DLGAP4: variants seen among roughly 807,000 people sequenced by gnomAD.
DLGAP4 encodes the protein disks large-associated protein 4.
In DLGAP4, 18 loss-of-function variants were observed where a neutral mutation model predicts 86.9. That is an observed-to-expected ratio of 0.21 (90% CI 0.14 to 0.31). DLGAP4 has a LOEUF of 0.31. Ranked by LOEUF, DLGAP4 falls within the 10% of genes least tolerant of loss-of-function variation. The pLI, the probability that DLGAP4 is intolerant of heterozygous loss-of-function variation, is 1.00. For missense variants in DLGAP4, 1,085 were observed against 1,362.6 expected (o/e 0.80, Z 3.21); for synonymous variants, 548 against 574.3 (o/e 0.95, Z 0.65).
At chr20:36,474,358 T>G (rs1406933044) in intron 7 of DLGAP4, among the ~76,000 whole-genome samples, 2 of 152,098 alleles carry the variant, frequency 1.3e-5, no homozygotes, top group African/African-American at 4.8e-5. Flanking sequence ...CTGTCCAGGG[T>G]TCAGGAAACC....
At chr20:36,515,293 ATC>A (rs976159155) in intron 10 of DLGAP4, among the ~76,000 whole-genome samples, 14 of 152,112 alleles carry the variant, frequency 9.2e-5, no homozygotes, top group African/African-American at 2.2e-4. Context: ...GTTTTTCAGA[ATC>A]TCTGTTTGTG....
rs578032949 is a variant in DLGAP4, at chr20:36,413,709, G to A, written c.-72-17937G>A. Among the ~76,000 whole-genome samples the A allele has an allele frequency of 3.9e-5, 6 of 152,092 alleles. No homozygotes were observed. The East Asian group carries it at 7.7e-4, about 20-fold the overall frequency. ...GCTGGAATTACAGGCATAAGCCACC[G>A]CGCCCGGCCTATTCTGGACATTTCA... On this transcript the variant is annotated intron_variant, in intron 2 of 12. Coordinates refer to ENST00000339266, the MANE Select transcript of DLGAP4 (RefSeq NM_001365621.2).
intron 7 of DLGAP4, among the ~76,000 whole-genome samples, chr20:36,490,263 G>A (rs916532344): frequency 1.8e-4 from 27 of 152,174 alleles, no homozygotes; most frequent in African/African-American, 6.5e-4. Flanking sequence ...GCTTTGAGAA[G>A]GCAATGTGTC....
chr20:36,448,206 T>G (rs2033650105), intron 7 of DLGAP4, among the ~76,000 whole-genome samples: 1 of 151,954 alleles, frequency 6.6e-6, no homozygotes, highest in African/African-American at 2.4e-5. Flanking sequence ...AAAAATTCGC[T>G]GGTCGGGTTG....
chr20:36,417,298 G>A (rs185413173), intron 2 of DLGAP4, among the ~76,000 whole-genome samples: 15 of 152,336 alleles, frequency 9.8e-5, no homozygotes, highest in Admixed American at 2.0e-4. Flanking sequence ...AGCTGGGAGC[G>A]CTGGGGAAGT....
rs1488151565 is a variant in DLGAP4 at position 36,306,824 on chromosome 20, GCT to G, written c.-304+315_-304+316del. On this transcript the variant is annotated intron_variant, in intron 1 of 12. Coordinates refer to ENST00000339266, the MANE Select transcript of DLGAP4 (RefSeq NM_001365621.2). This position sits in a 1 kb window ranked among gnomAD's most constrained non-coding sequence, Gnocchi z 4.9. ...TGTCCGGGACCGGATCCCCATTCCGGCTCTTTTTCCCGCGGACTCCCCCGTAC... is the reference window on the plus strand; with the variant it reads ...TGTCCGGGACCGGATCCCCATTCCGGCTTTTTCCCGCGGACTCCCCCGTAC... 6.6e-6 allele frequency among the ~76,000 whole-genome samples: 1 copy of G among 152,124 alleles called. No homozygotes were observed. Among genetic ancestry groups the G allele is most frequent in the Non-Finnish European group, 1.5e-5 (1 of 67,996 alleles).
intron 1 of DLGAP4, among the ~76,000 whole-genome samples, chr20:36,351,380 C>T (rs990130111): frequency 1.3e-5 from 2 of 152,078 alleles, no homozygotes; most frequent in Non-Finnish European, 2.9e-5. Flanking sequence ...AGATCAGCGG[C>T]GGCATTCGAT....
chr20:36,460,659 C>T (rs932425146), intron 7 of DLGAP4, among the ~76,000 whole-genome samples: 1 of 152,210 alleles, frequency 6.6e-6, no homozygotes, highest in African/African-American at 2.4e-5. Flanking sequence ...AGATGAGGCC[C>T]ACAAGGCAGC....
chr20:36,401,860 A>G (rs1180376722), intron 2 of DLGAP4, among the ~76,000 whole-genome samples: 4 of 152,194 alleles, frequency 2.6e-5, no homozygotes, highest in Non-Finnish European at 5.9e-5. Context: ...CAAGACCTGA[A>G]TCGGGAAAAG....
At chr20:36,427,662 G>A (rs868783167) in intron 2 of DLGAP4, among the ~76,000 whole-genome samples, 1 of 151,994 alleles carries the variant, frequency 6.6e-6, no homozygotes, top group African/African-American at 2.4e-5. Flanking sequence ...AGGAAAAAAG[G>A]CTGGGTGCAG....
intron 1 of DLGAP4, among the ~76,000 whole-genome samples, chr20:36,362,360 T>C (rs1474908858): frequency 1.3e-5 from 2 of 152,172 alleles, no homozygotes; most frequent in Non-Finnish European, 2.9e-5. Context: ...CCTGGCTTCT[T>C]GGTCGCCTGA....
intron 2 of DLGAP4, among the ~76,000 whole-genome samples, chr20:36,375,101 G>A (rs966269144): frequency 2.6e-5 from 4 of 152,220 alleles, no homozygotes; most frequent in Admixed American, 6.5e-5. Context: ...AGGCCAAGCC[G>A]CCTATGTGAC....
At chr20:36,354,376 A>G (rs1229191289) in intron 1 of DLGAP4, among the ~76,000 whole-genome samples, 1 of 152,198 alleles carries the variant, frequency 6.6e-6, no homozygotes, top group Non-Finnish European at 1.5e-5. Context: ...TACTGTTTAC[A>G]CTCCATAAAA....
chr20:36,464,561 C>A (rs1467071912), intron 7 of DLGAP4, among the ~76,000 whole-genome samples: 1 of 151,758 alleles, frequency 6.6e-6, no homozygotes, highest in East Asian at 1.9e-4. Context: ...CAAAATGAGA[C>A]CCTGTCGACC....
intron 2 of DLGAP4, among the ~76,000 whole-genome samples, chr20:36,424,153 G>A (rs952878324): frequency 6.6e-6 from 1 of 152,124 alleles, no homozygotes; most frequent in Non-Finnish European, 1.5e-5. Flanking sequence ...AAATCAGTTC[G>A]GAACATCTGT....
At chr20:36,413,264 C>G (rs1226240174) in intron 2 of DLGAP4, among the ~76,000 whole-genome samples, 1 of 151,988 alleles carries the variant, frequency 6.6e-6, no homozygotes, top group Non-Finnish European at 1.5e-5. Context: ...AGGCATGAGC[C>G]ACCGTGCCCG....
rs71184099 is a variant in DLGAP4, at chr20:36,507,212, GT to G, written c.2512+6611del. 1.6e-3 allele frequency among the ~76,000 whole-genome samples: 241 copies of G among 147,480 alleles called. 2 individuals are homozygous for G. The highest frequency in any genetic ancestry group is 5.6e-3 in the African/African-American group (224 of 40,314). The stretch of plus-strand genomic sequence containing the variant: ...GCCCTGACTTGTGGGCACAAAAGTT[GT>G]TTTTTTTTTGTTTTGTTTTGTTTTG... On this transcript the variant is annotated intron_variant, in intron 10 of 12. Transcript: ENST00000339266.
intron 7 of DLGAP4, among the ~76,000 whole-genome samples, chr20:36,494,059 C>G (rs975736785): frequency 6.6e-6 from 1 of 152,186 alleles, no homozygotes; most frequent in Non-Finnish European, 1.5e-5. Flanking sequence ...TCTTCTGGCC[C>G]AGAGAGGTAG....
intron 1 of DLGAP4, among the ~76,000 whole-genome samples, chr20:36,338,905 C>T (rs1268133442): frequency 1.3e-5 from 2 of 152,020 alleles, no homozygotes; most frequent in African/African-American, 2.4e-5. Context: ...GCAAAGGCAC[C>T]GAGGCAGGTG....
Sources: gnomAD v4.1 joint callset for allele counts (sites outside exome capture counted in the v4.1 genomes callset) on GRCh38, gnomAD v4.1.1 for gene constraint, Gnocchi (gnomAD v3.1) non-coding constraint, MANE v1.5 for transcripts, NCBI Gene and HGNC (gene_info 2026-07-23, HGNC 2026-07-21) for gene names.